The following ALG6 variants were observed in gnomAD, a reference collection of about 807,000 sequenced individuals.
ALG6 encodes dolichyl pyrophosphate Man9GlcNAc2 alpha-1,3-glucosyltransferase.
ALG6 carries 46 observed loss-of-function variants against 66.6 expected under a neutral mutation model. The ratio of observed to expected loss-of-function variants is 0.69; its 90% CI spans 0.55 to 0.88. ALG6 has a LOEUF of 0.88. Among genes scored for constraint, ALG6 ranks in the 40% least tolerant of loss-of-function variants. ALG6 has a pLI of 0.00. For missense variants in ALG6, 505 were observed against 586.8 expected (o/e 0.86, Z 1.44); for synonymous variants, 185 against 203.7 (o/e 0.91, Z 0.78).
intron 3 of ALG6, 28 bp downstream of exon 3, chr1:63,396,625 G>T: frequency 6.4e-7 from 1 of 1,555,190 alleles, no homozygotes; most frequent in Non-Finnish European, 8.9e-7. Context: ...TGTTTTTCTT[G>T]TTTATCATAG....
chr1:63,426,693 G>A (rs928199439), intron 12 of ALG6, among the ~76,000 whole-genome samples: 2 of 151,934 alleles, frequency 1.3e-5, no homozygotes, highest in South Asian at 4.2e-4. Flanking sequence ...CCAGGCGTGC[G>A]TCACCATGCC....
intron 8 of ALG6, 86 bp downstream of exon 8, chr1:63,411,417 C>A: frequency 7.8e-7 from 1 of 1,282,966 alleles, no homozygotes; most frequent in Non-Finnish European, 1.1e-6. Flanking sequence ...TGATCTTTCA[C>A]TTTGCCTTTT....
At chr1:63,401,548 C>A (rs1191668881) in intron 3 of ALG6, among the ~76,000 whole-genome samples, 1 of 151,332 alleles carries the variant, frequency 6.6e-6, no homozygotes, top group Non-Finnish European at 1.5e-5. Flanking sequence ...TGCCTGTAAT[C>A]CAAGCTACTC....
At chr1:63,423,810 A>C (rs1570085213) in intron 12 of ALG6, among the ~76,000 whole-genome samples, 2 of 152,120 alleles carry the variant, frequency 1.3e-5, no homozygotes, top group Non-Finnish European at 2.9e-5. Flanking sequence ...TTCATGTACA[A>C]GTTTTTGTTT....
chr1:63,395,660 A>G (rs1471140678), intron 2 of ALG6, among the ~76,000 whole-genome samples: 3 of 152,188 alleles, frequency 2.0e-5, no homozygotes, highest in African/African-American at 7.2e-5. Context: ...GTGCCACTGC[A>G]CTCCAGCCTG....
chr1:63,407,646 T>C (rs1644495267), intron 7 of ALG6, among the ~76,000 whole-genome samples: 1 of 152,058 alleles, frequency 6.6e-6, no homozygotes, highest in South Asian at 2.1e-4. Context: ...TGAGAATAAA[T>C]TGATAAAAAT....
At position 63,436,650 on chromosome 1, in the gene ALG6, T is replaced by C. The variant is rs373333924; in HGVS notation, c.1327-173T>C. Among the ~76,000 whole-genome samples, 14 of 152,242 alleles carry C rather than the reference T, an allele frequency of 9.2e-5. 1 individual carries two copies. The East Asian group carries it at 2.5e-3, about 27-fold the overall frequency. On this transcript the variant is annotated intron_variant, in intron 14 of 14. Transcript: ENST00000263440. The stretch of plus-strand genomic sequence containing the variant: ...GGGGTGTGATGTGGGCATTGAGATT[T>C]TAAAAACTCCTCATATGATTCTAAT...
At chr1:63,425,123 G>A (rs1644608439) in intron 12 of ALG6, among the ~76,000 whole-genome samples, 1 of 152,162 alleles carries the variant, frequency 6.6e-6, no homozygotes, top group African/African-American at 2.4e-5. Context: ...GTTCTTCAGA[G>A]GAGTTTTGTT....
chr1:63,407,620 TCAAA>T (rs1357404398), intron 7 of ALG6, among the ~76,000 whole-genome samples: 1 of 152,070 alleles, frequency 6.6e-6, no homozygotes, highest in African/African-American at 2.4e-5. Context: ...TAAGGAACAT[TCAAA>T]CAAAGCTTAG....
At chr1:63,435,179 A>T (rs1644671456) in intron 14 of ALG6, among the ~76,000 whole-genome samples, 1 of 152,230 alleles carries the variant, frequency 6.6e-6, no homozygotes, top group African/African-American at 2.4e-5. Context: ...CTGTTTTGGG[A>T]AACAAGTGTA....
intron 12 of ALG6, among the ~76,000 whole-genome samples, chr1:63,420,432 G>T (rs1418004068): frequency 6.6e-6 from 1 of 152,094 alleles, no homozygotes; most frequent in Non-Finnish European, 1.5e-5. Flanking sequence ...GCTCATTCAG[G>T]ACCTATAATC....
At chr1:63,417,388 A>AT (rs1389068733) in intron 11 of ALG6, among the ~76,000 whole-genome samples, 1 of 152,030 alleles carries the variant, frequency 6.6e-6, no homozygotes, top group Admixed American at 6.6e-5. Flanking sequence ...TAGTTTTGTA[A>AT]TTTTTTTCAG....
chr1:63,422,147 A>ATCTATATG (rs1644578652), intron 12 of ALG6, among the ~76,000 whole-genome samples: 1 of 52,530 alleles, frequency 1.9e-5, no homozygotes, highest in Non-Finnish European at 3.2e-5. Context: ...AAATATATAT[A>ATCTATATG]AATATAAATA....
intron 12 of ALG6, among the ~76,000 whole-genome samples, chr1:63,422,122 TATAA>T (rs1466166554): frequency 1.1e-4 from 8 of 74,854 alleles, no homozygotes; most frequent in African/African-American, 4.0e-4. Context: ...TATATAAATA[TATAA>T]ATAAATATAT....
chr1:63,387,832 G>C (rs764045509), intron 2 of ALG6, among the ~76,000 whole-genome samples: 1 of 151,896 alleles, frequency 6.6e-6, no homozygotes, highest in Non-Finnish European at 1.5e-5. Flanking sequence ...GTGAGCCACC[G>C]TGCCCAGCTT....
intron 2 of ALG6, among the ~76,000 whole-genome samples, chr1:63,373,359 G>C (rs570585138): frequency 6.6e-6 from 1 of 150,462 alleles, no homozygotes; most frequent in East Asian, 2.0e-4. Flanking sequence ...TTTTTTTTTG[G>C]GGGGAGGCTA....
intron 2 of ALG6, among the ~76,000 whole-genome samples, chr1:63,382,368 A>AT (rs2100390398): frequency 6.6e-6 from 1 of 151,244 alleles, no homozygotes; most frequent in East Asian, 2.0e-4. Context: ...CGCCCAGCTA[A>AT]TTTTTTGTAT....
At chr1:63,392,095 C>G (rs1398623450) in intron 2 of ALG6, among the ~76,000 whole-genome samples, 2 of 152,044 alleles carry the variant, frequency 1.3e-5, no homozygotes, top group Non-Finnish European at 2.9e-5. Flanking sequence ...CACATCATTA[C>G]TAAAGTATGA....
chr1:63,387,048 G>A (rs1353292182), intron 2 of ALG6, among the ~76,000 whole-genome samples: 1 of 152,114 alleles, frequency 6.6e-6, no homozygotes, highest in Non-Finnish European at 1.5e-5. Flanking sequence ...TTGGCACACT[G>A]GGCATTCAGG....
Sources: gnomAD v4.1 joint callset for allele counts (sites outside exome capture counted in the v4.1 genomes callset) on GRCh38, gnomAD v4.1.1 for gene constraint, MANE v1.5 for transcripts, NCBI Gene and HGNC (gene_info 2026-07-23, HGNC 2026-07-21) for gene names.